NR6A1: variants seen among roughly 807,000 people sequenced by gnomAD.
The protein encoded by NR6A1 is retinoic acid receptor-related testis-associated receptor.
In NR6A1, 7 loss-of-function variants were observed where a neutral mutation model predicts 59.1. The ratio of observed to expected loss-of-function variants is 0.12; its 90% CI spans 0.07 to 0.22. The LOEUF (loss-of-function observed/expected upper bound fraction) is 0.22, where lower values mean the gene tolerates loss of function less well. Ranked by LOEUF, NR6A1 falls within the 10% of genes least tolerant of loss-of-function variation. The pLI is 1.00. For synonymous variants in NR6A1, 243 were observed against 236.1 expected (o/e 1.03, Z -0.27); for missense variants, 468 against 611.6 (o/e 0.77, Z 2.48).
At position 124,605,359 on chromosome 9, in the gene NR6A1, T is replaced by A. The variant is rs56895843; in HGVS notation, c.143-50789A>T. ...AAGTGAGATCCATCTTTACAAAAAATTTGCCAGGTGTGGTGATGCATGTGC... is the reference window on the plus strand; with the variant it reads ...AAGTGAGATCCATCTTTACAAAAAAATTGCCAGGTGTGGTGATGCATGTGC... On this transcript the variant is annotated intron_variant, in intron 2 of 9. Coordinates refer to ENST00000487099, the MANE Select transcript of NR6A1 (RefSeq NM_033334.4). Among the ~76,000 whole-genome samples the A allele has an allele frequency of 4.4e-3, 677 of 152,160 alleles. 3 individuals carry two copies. Among genetic ancestry groups the A allele is most frequent in the African/African-American group, 0.015 (622 of 41,510 alleles).
At chr9:124,770,957 C>A in intron 1 of NR6A1, 63 bp downstream of exon 1, 1 of 933,996 alleles carries the variant, frequency 1.1e-6, no homozygotes, top group Non-Finnish European at 1.4e-6. Flanking sequence ...GGAGGGGGAT[C>A]CCTGGCGGAG....
intron 2 of NR6A1, among the ~76,000 whole-genome samples, chr9:124,587,757 A>T (rs1039462509): frequency 1.3e-5 from 2 of 152,234 alleles, no homozygotes; most frequent in African/African-American, 4.8e-5. Context: ...ACCGCAAATT[A>T]TGAAGCTTCA....
In NR6A1 at chr9:124,520,923, G is replaced by A. The variant is rs1832787112; in HGVS notation, c.*1782C>T. The A allele has an allele frequency of 6.6e-6, 1 of 152,192 alleles. No individual in the cohort carries two copies. 9.4% of individuals were successfully genotyped at this position (152,192 alleles called of 1,614,324 possible). ...TGTTCCGAGTTTTAGATCCATCAAG[G>A]GCCAAAATCATCACTCTGCTGGTAC... On this transcript the variant is annotated 3_prime_UTR_variant, in exon 10 of 10. Coordinates refer to ENST00000487099, the MANE Select transcript of NR6A1 (RefSeq NM_033334.4).
At chr9:124,588,371 G>T (rs1025456102) in intron 2 of NR6A1, among the ~76,000 whole-genome samples, 1 of 151,784 alleles carries the variant, frequency 6.6e-6, no homozygotes, top group Non-Finnish European at 1.5e-5. Flanking sequence ...ACAGTGGCGC[G>T]ATCTCCACTC....
intron 2 of NR6A1, 79 bp from the exon 3 acceptor site, chr9:124,554,649 G>A (rs1564176782): frequency 6.4e-7 from 1 of 1,573,008 alleles, no homozygotes; most frequent in East Asian, 2.2e-5. Flanking sequence ...CTCTGCTCTG[G>A]GTAGATTAAG....
chr9:124,602,674 G>A (rs1013622139), intron 2 of NR6A1, among the ~76,000 whole-genome samples: 4 of 152,170 alleles, frequency 2.6e-5, no homozygotes, highest in African/African-American at 9.7e-5. Context: ...AGATGATATA[G>A]GAAAAGACTT....
At chr9:124,661,170 T>C (rs1320920122) in intron 2 of NR6A1, among the ~76,000 whole-genome samples, 1 of 152,196 alleles carries the variant, frequency 6.6e-6, no homozygotes, top group Non-Finnish European at 1.5e-5. Flanking sequence ...GAATTTATTC[T>C]GGAATACTAG....
At chr9:124,755,433 T>C (rs1018500466) in intron 1 of NR6A1, among the ~76,000 whole-genome samples, 4 of 152,186 alleles carry the variant, frequency 2.6e-5, no homozygotes, top group African/African-American at 7.2e-5. Context: ...TAAATAAATG[T>C]AAAAACTAAA....
At chr9:124,599,634 G>A in intron 2 of NR6A1, 2 of 1,168,066 alleles carry the variant, frequency 1.7e-6, no homozygotes, top group Non-Finnish European at 2.2e-6. Context: ...CGGCTCCGCG[G>A]CCTCTCGGCG....
At chr9:124,702,533 C>A (rs1235281860) in intron 2 of NR6A1, among the ~76,000 whole-genome samples, 1 of 152,070 alleles carries the variant, frequency 6.6e-6, no homozygotes, top group African/African-American at 2.4e-5. Flanking sequence ...ATGTGACCCT[C>A]AATGTTGGAG....
At chr9:124,764,550 T>A (rs1004318754) in intron 1 of NR6A1, among the ~76,000 whole-genome samples, 6 of 152,258 alleles carry the variant, frequency 3.9e-5, no homozygotes, top group Non-Finnish European at 1.5e-5. Context: ...AGATTATCCA[T>A]CTTTTTCACA....
At chr9:124,702,799 C>A (rs1048326853) in intron 2 of NR6A1, among the ~76,000 whole-genome samples, 5 of 152,084 alleles carry the variant, frequency 3.3e-5, no homozygotes, top group Non-Finnish European at 7.4e-5. Context: ...TACCTTGTCT[C>A]CAGAACCGTA....
chr9:124,701,552 A>G (rs545067306), intron 2 of NR6A1, among the ~76,000 whole-genome samples: 1 of 152,318 alleles, frequency 6.6e-6, no homozygotes, highest in South Asian at 2.1e-4. Flanking sequence ...ATAACTACTT[A>G]TCCTCCATTT....
chr9:124,670,316 C>T (rs1299612990), intron 2 of NR6A1, among the ~76,000 whole-genome samples: 1 of 152,154 alleles, frequency 6.6e-6, no homozygotes, highest in Non-Finnish European at 1.5e-5. Context: ...GGCTCAAGCC[C>T]AGGAGTTGGA....
chr9:124,661,529 A>G (rs1335668192), intron 2 of NR6A1, among the ~76,000 whole-genome samples: 1 of 152,260 alleles, frequency 6.6e-6, no homozygotes, highest in African/African-American at 2.4e-5. Flanking sequence ...GATTTATCAA[A>G]TGAGACCATG....
At chr9:124,623,454 C>T (rs534445799) in intron 2 of NR6A1, among the ~76,000 whole-genome samples, 6 of 151,712 alleles carry the variant, frequency 4.0e-5, no homozygotes, top group African/African-American at 9.7e-5. Flanking sequence ...CTTGACCTCG[C>T]GGGCTCAAGA....
chr9:124,694,024 TCAC>T (rs1838659223), intron 2 of NR6A1, among the ~76,000 whole-genome samples: 1 of 152,222 alleles, frequency 6.6e-6, no homozygotes, highest in East Asian at 1.9e-4. Flanking sequence ...TATCTGGATA[TCAC>T]ATCACATTTT....
chr9:124,656,734 A>G (rs910613087), intron 2 of NR6A1, among the ~76,000 whole-genome samples: 4 of 152,180 alleles, frequency 2.6e-5, no homozygotes, highest in Non-Finnish European at 4.4e-5. Flanking sequence ...CAGGAGGCTG[A>G]GGAAGGAGAA....
At chr9:124,659,151 TG>T (rs2130937317) in intron 2 of NR6A1, among the ~76,000 whole-genome samples, 1 of 151,946 alleles carries the variant, frequency 6.6e-6, no homozygotes, top group African/African-American at 2.4e-5. Flanking sequence ...CCTGGGGCGG[TG>T]GGGGTAGAGG....
Sources: allele counts gnomAD v4.1 joint callset (sites outside exome capture counted in the v4.1 genomes callset), GRCh38; gene constraint gnomAD v4.1.1; transcripts MANE v1.5; gene names NCBI Gene and HGNC (gene_info 2026-07-23, HGNC 2026-07-21).